Variants in GALNS observed in about 807,000 individuals in gnomAD.
The protein encoded by GALNS is N-acetylgalactosamine-6-sulfatase.
In GALNS, 65 loss-of-function variants were observed where a neutral mutation model predicts 65.9. That is an observed-to-expected ratio of 0.99 (90% CI 0.81 to 1.21). GALNS has a LOEUF of 1.21. Ranked by LOEUF, GALNS falls within the 50% of genes most tolerant of loss-of-function variation. The pLI, the probability that GALNS is intolerant of heterozygous loss-of-function variation, is 0.00. For synonymous variants in GALNS, 346 were observed against 288.9 expected (o/e 1.20, Z -2.00); for missense variants, 776 against 700.7 (o/e 1.11, Z -1.21).
At chr16:88,843,707 A>C in intron 1 of GALNS, 1 of 160,020 alleles carries the variant, frequency 6.2e-6, no homozygotes, top group Non-Finnish European at 1.4e-5. Flanking sequence ...TGACACCTTG[A>C]TTTTGCACTT....
At chr16:88,825,022 G>A (rs1056939708) in intron 10 of GALNS, among the ~76,000 whole-genome samples, 153 bp from the exon 11 acceptor site, 7 of 135,652 alleles carry the variant, frequency 5.2e-5, no homozygotes, top group South Asian at 2.5e-4. Context: ...AAAAAGGCCC[G>A]CAAGGTGGCT....
At position 88,824,927 on chromosome 16, in the gene GALNS, G is replaced by C. The variant is rs999771569; in HGVS notation, c.1140-58C>G. 2.9e-6 allele frequency: 4 copies of C among 1,397,160 alleles called. No individual in the cohort carries two copies. The African/African-American group carries it at 5.7e-5, about 20-fold the overall frequency. 86.5% of individuals were successfully genotyped at this position (1,397,160 alleles called of 1,614,324 possible). A position where few individuals can be genotyped will look rare whatever the true frequency, so the allele number is the denominator to read the frequency against. The stretch of plus-strand genomic sequence containing the variant: ...CAGGAAGGACACGCTGGGGCCACCT[G>C]GAGGCTCTGGGCTGCGTCTGTCATC... On this transcript the variant is annotated intron_variant, in intron 10 of 13. Coordinates refer to ENST00000268695, the MANE Select transcript of GALNS (RefSeq NM_000512.5).
chr16:88,835,580 G>A, intron 7 of GALNS, 145 bp downstream of exon 7: 2 of 1,357,500 alleles, frequency 1.5e-6, no homozygotes, highest in Non-Finnish European at 2.1e-6. Context: ...GCTGATCCCA[G>A]GCCAGTGGAC....
chr16:88,853,701 G>C (rs921644743), intron 1 of GALNS, among the ~76,000 whole-genome samples: 1 of 152,168 alleles, frequency 6.6e-6, no homozygotes, highest in Non-Finnish European at 1.5e-5. Context: ...GAGCAGAGTG[G>C]GCCACGCAGG....
chr16:88,825,705 A>G (rs1051555032), intron 10 of GALNS, among the ~76,000 whole-genome samples: 15 of 151,642 alleles, frequency 9.9e-5, no homozygotes, highest in Non-Finnish European at 2.1e-4. Flanking sequence ...AGACAAGAGG[A>G]TAAGCAGGCG....
intron 1 of GALNS, among the ~76,000 whole-genome samples, chr16:88,846,621 A>C (rs1014832626): frequency 1.4e-5 from 2 of 147,604 alleles, no homozygotes; most frequent in African/African-American, 5.1e-5. Flanking sequence ...GGCTCACGGC[A>C]ACCTTTGCCT....
intron 7 of GALNS, among the ~76,000 whole-genome samples, 172 bp downstream of exon 7, chr16:88,835,553 C>A (rs1912032442): frequency 6.6e-6 from 1 of 152,230 alleles, no homozygotes; most frequent in Admixed American, 6.5e-5. Context: ...CCAGCACCCC[C>A]ACCACAGCCC....
intron 12 of GALNS, 55 bp from the exon 13 acceptor site, chr16:88,818,179 G>T: frequency 7.0e-7 from 1 of 1,419,522 alleles, no homozygotes. Flanking sequence ...AGGACGGAGA[G>T]GGGCTGGCCT....
At position 88,824,731 on chromosome 16, in the gene GALNS, G is replaced by A. The variant is rs116993143; in HGVS notation, c.1242+36C>T. ...GGGCCACGTCTGGATAGAGATGGGG[G>A]CAGCTCCGCCTGCGCCCACGTCCCG... is the stretch of plus-strand genomic sequence containing the variant. On this transcript the variant is annotated intron_variant, in intron 11 of 13. Coordinates refer to ENST00000268695, the MANE Select transcript of GALNS (RefSeq NM_000512.5). 0.052 allele frequency: 81,118 copies of A among 1,566,398 alleles called. 2,389 individuals are homozygous for A. Among genetic ancestry groups the A allele is most frequent in the South Asian group, 0.088 (7,973 of 90,096 alleles).
rs372091733 is a variant in GALNS at position 88,846,978 on chromosome 16, G to A, written c.121-4149C>T. 2.6e-5 allele frequency among the ~76,000 whole-genome samples: 4 copies of A among 152,262 alleles called. No homozygotes were observed. In the East Asian group the frequency reaches 7.7e-4, roughly 29 times the overall value. ...ACAGACATTCACGACACCTGGTTGT[G>A]TGGACACCTGTGGACACACCTGGAC... On this transcript the variant is annotated intron_variant, in intron 1 of 13. Transcript: ENST00000268695.
rs1319800035 is a variant in GALNS, at chr16:88,856,916, G to A, written c.-39C>T. 1.2e-5 allele frequency: 18 copies of A among 1,486,722 alleles called. No individual in the cohort carries two copies. Among genetic ancestry groups the A allele is most frequent in the Admixed American group, 1.1e-4 (5 of 44,024 alleles). 92.1% of individuals were successfully genotyped at this position (1,486,722 alleles called of 1,614,324 possible). On this transcript the variant is annotated 5_prime_UTR_variant, in exon 1 of 14. Coordinates refer to ENST00000268695, the MANE Select transcript of GALNS (RefSeq NM_000512.5). ...GCCGCGGAGCCCCGGCCAGCGAGCC[G>A]ACCTAGCGAGCGTCCGCCGGCCCTT...
chr16:88,813,924 C>A lies in GALNS; in HGVS notation c.*515G>T. 1 of 204,480 alleles carries A rather than the reference C, an allele frequency of 4.9e-6. No homozygotes were observed. The highest frequency in any genetic ancestry group is 8.2e-5 in the South Asian group (1 of 12,232). 12.7% of individuals were successfully genotyped at this position (204,480 alleles called of 1,614,324 possible). ...AACGCTTATATGATTGCCCCGTTCC[C>A]TTACTGTTTACATAAAAATGCGGAT... On this transcript the variant is annotated 3_prime_UTR_variant, in exon 14 of 14. Coordinates refer to ENST00000268695, the MANE Select transcript of GALNS (RefSeq NM_000512.5).
intron 6 of GALNS, 98 bp from the exon 7 acceptor site, chr16:88,835,947 T>C: frequency 1.9e-6 from 3 of 1,568,300 alleles, no homozygotes; most frequent in Non-Finnish European, 8.7e-7. Context: ...GCGAGGTTGG[T>C]GCGGTCCCCG....
chr16:88,814,229 A>C lies in GALNS; in HGVS notation c.*210T>G. Reference sequence around the variant, plus strand: ...CCGTGGGCGAGGAGGAGGGTCCTGAAATCTGAGGCGCCGTGGGCGAGGAGG... The same window carrying C: ...CCGTGGGCGAGGAGGAGGGTCCTGACATCTGAGGCGCCGTGGGCGAGGAGG... On this transcript the variant is annotated 3_prime_UTR_variant, in exon 14 of 14. Coordinates refer to ENST00000268695, the MANE Select transcript of GALNS (RefSeq NM_000512.5). 1.5e-6 allele frequency: 1 copy of C among 666,758 alleles called. No homozygotes were observed. Among genetic ancestry groups the C allele is most frequent in the Non-Finnish European group, 2.6e-6 (1 of 384,608 alleles). 41.3% of individuals were successfully genotyped at this position (666,758 alleles called of 1,614,324 possible).
rs1283377907 is a variant in GALNS, at chr16:88,842,829, T to A, written c.121A>T (p.Met41Leu). The A allele has an allele frequency of 1.2e-5, 20 of 1,613,088 alleles. No homozygotes were observed. Among genetic ancestry groups the A allele is most frequent in the Non-Finnish European group, 1.6e-5 (19 of 1,179,924 alleles). Reference protein sequence around the residue: ...PNILLLLMDDMGWGDLGVYGE... With the variant: ...PNILLLLMDDLGWGDLGVYGE... ...TACACCCCGAGGTCACCCCATCCCATCTGCAGGGAAGAGCACGGGGAGGAG... is the reference window on the plus strand; with the variant it reads ...TACACCCCGAGGTCACCCCATCCCAACTGCAGGGAAGAGCACGGGGAGGAG... Residue 41 changes from methionine to leucine, a missense_variant and splice_region_variant, in exon 2 of 14, where the codon ATG becomes TTG. By Grantham distance (15) the Met-to-Leu change is conservative. Coordinates refer to ENST00000268695, the MANE Select transcript of GALNS (RefSeq NM_000512.5).
At chr16:88,852,916 C>T (rs554708372) in intron 1 of GALNS, among the ~76,000 whole-genome samples, 13 of 152,262 alleles carry the variant, frequency 8.5e-5, no homozygotes, top group Non-Finnish European at 1.3e-4. Flanking sequence ...GATCGAGCTA[C>T]TGCACTCCAG....
At chr16:88,848,557 G>A (rs1967357861) in intron 1 of GALNS, among the ~76,000 whole-genome samples, 1 of 144,688 alleles carries the variant, frequency 6.9e-6, no homozygotes, top group South Asian at 2.2e-4. Flanking sequence ...CTGGGTGACA[G>A]TGAGACTCCG....
chr16:88,842,323 A>G, intron 2 of GALNS: 1 of 505,584 alleles, frequency 2.0e-6, no homozygotes, highest in South Asian at 2.1e-5. Flanking sequence ...CACGATCAAC[A>G]CCACATGTTT....
At position 88,835,868 on chromosome 16, in the gene GALNS, C is replaced by T. The variant is rs12934499; in HGVS notation, c.634-19G>A. On this transcript the variant is annotated intron_variant, in intron 6 of 13. Transcript: ENST00000268695. ...GGGCTTCCTATGGAGAGAGCCACAC[C>T]GTCGTCCTCCAGCCTCAGGCCGACC... 403,849 of 1,613,322 alleles carry T rather than the reference C, an allele frequency of 0.25. 54,425 individuals carry two copies. Among genetic ancestry groups the T allele is most frequent in the East Asian group, 0.58 (26,004 of 44,858 alleles).
Sources: allele counts gnomAD v4.1 joint callset (sites outside exome capture counted in the v4.1 genomes callset), GRCh38; gene constraint gnomAD v4.1.1; transcripts MANE v1.5; gene names NCBI Gene and HGNC (gene_info 2026-07-23, HGNC 2026-07-21).